Variants in EPS15 observed in about 807,000 individuals in gnomAD.
The protein encoded by EPS15 is epidermal growth factor receptor substrate 15.
EPS15 carries 72 observed loss-of-function variants against 113.8 expected under a neutral mutation model. The ratio of observed to expected loss-of-function variants is 0.63; its 90% CI spans 0.52 to 0.77. The LOEUF is 0.77. Among genes scored for constraint, EPS15 ranks in the 30% least tolerant of loss-of-function variants. EPS15 has a pLI of 0.00. For synonymous variants in EPS15, 344 were observed against 363.4 expected (o/e 0.95, Z 0.61); for missense variants, 1,048 against 1,045.8 (o/e 1.00, Z -0.03).
At chr1:51,400,733 A>AAG (rs1553120051) in intron 19 of EPS15, among the ~76,000 whole-genome samples, 185 bp downstream of exon 19, 17 of 147,760 alleles carry the variant, frequency 1.2e-4, no homozygotes, top group Admixed American at 1.3e-4. Context: ...AAAAAAAAAA[A>AAG]AAGAAGAAGT....
In EPS15 at chr1:51,408,289, A is replaced by C. The variant is rs1183084219; in HGVS notation, c.1319T>G (p.Ile440Ser). Residue 440 changes from isoleucine (I) to serine (S), a missense_variant, in exon 15 of 25, where the codon ATC (isoleucine) becomes AGC (serine). Transcript: ENST00000371733. ...TGCCAATTCTTCTTCGTAAGTGGAG[A>C]TCTGCGATTCCTGACTAGTTAATTC... Reference protein sequence around the residue: ...KAELTSQESQISTYEEELAKA... With the variant: ...KAELTSQESQSSTYEEELAKA... 1 of 1,613,672 alleles carries C rather than the reference A, an allele frequency of 6.2e-7. No individual in the cohort carries two copies. The highest frequency in any genetic ancestry group is 8.5e-7 in the Non-Finnish European group (1 of 1,179,700).
rs1027363037 is a variant in EPS15, at chr1:51,405,943, T to G, written c.1639A>C (p.Ser547Arg). 1 of 1,614,166 alleles carries G rather than the reference T, an allele frequency of 6.2e-7. No homozygotes were observed. The highest frequency in any genetic ancestry group is 1.7e-5 in the Admixed American group (1 of 60,010). Residue 547 changes from serine (S) to arginine (R), a missense_variant, in exon 16 of 25, where the codon AGC (serine) becomes CGC (arginine). By Grantham distance (110) the Ser-to-Arg change is moderately radical. Transcript: ENST00000371733. ...TGTATGGGCTCAGACTCTAGGTTGCTCTGGCCTTCAACATGTTCATTAAGG... is the reference window on the plus strand; with the variant it reads ...TGTATGGGCTCAGACTCTAGGTTGCGCTGGCCTTCAACATGTTCATTAAGG... ...ANLNEHVEGQSNLESEPIHQE... is the reference protein window; with the variant it reads ...ANLNEHVEGQRNLESEPIHQE...
intron 8 of EPS15, among the ~76,000 whole-genome samples, chr1:51,450,719 C>T (rs1653476101): frequency 6.6e-6 from 1 of 151,786 alleles, no homozygotes; most frequent in Admixed American, 6.5e-5. Flanking sequence ...TGCAATCCCA[C>T]ATCTGGGAAT....
chr1:51,457,873 A>C (rs895379095), intron 8 of EPS15: 3 of 152,200 alleles, frequency 2.0e-5, no homozygotes, highest in African/African-American at 7.2e-5. Context: ...GAGGCGGGGT[A>C]AGGGAATGAA....
At chr1:51,453,987 C>G (rs1653776902) in intron 8 of EPS15, among the ~76,000 whole-genome samples, 1 of 141,992 alleles carries the variant, frequency 7.0e-6, no homozygotes, top group African/African-American at 2.6e-5. Flanking sequence ...CAGGTGGAGG[C>G]TGCAGTGAGT....
chr1:51,399,414 T>C (rs531721816), intron 19 of EPS15, among the ~76,000 whole-genome samples: 6 of 151,970 alleles, frequency 3.9e-5, no homozygotes, highest in Non-Finnish European at 8.8e-5. Context: ...TAGCCAGGCA[T>C]GGTGGTGCGC....
chr1:51,425,201 C>A (rs774911871), intron 12 of EPS15, among the ~76,000 whole-genome samples: 1 of 152,150 alleles, frequency 6.6e-6, no homozygotes, highest in Non-Finnish European at 1.5e-5. Flanking sequence ...GAATTTGAAC[C>A]ATCAAGGAAA....
chr1:51,465,089 AAAC>A (rs1365106565), intron 6 of EPS15, among the ~76,000 whole-genome samples, 169 bp downstream of exon 6: 2 of 152,352 alleles, frequency 1.3e-5, no homozygotes, highest in East Asian at 3.9e-4. Context: ...TACTGTCACA[AAAC>A]AACTGACAGA....
intron 21 of EPS15, 37 bp from the exon 22 acceptor site, chr1:51,366,066 T>A: frequency 6.8e-7 from 1 of 1,472,488 alleles, no homozygotes; most frequent in Non-Finnish European, 9.4e-7. Flanking sequence ...AACAGGACAG[T>A]AAGACATTTT....
rs1174468030 is a variant in EPS15 at position 51,404,788 on chromosome 1, G to A, written c.1677+1117C>T. ...TGCACATGACAATCACCCATAGAGT[G>A]TGTTTTTAAAATATACATATCTGGC... On this transcript the variant is annotated intron_variant, in intron 16 of 24. Transcript: ENST00000371733. Among the ~76,000 whole-genome samples, 4 of 152,292 alleles carry A rather than the reference G, an allele frequency of 2.6e-5. No individual in the cohort carries two copies. The East Asian group carries it at 7.7e-4, about 29-fold the overall frequency.
intron 21 of EPS15, among the ~76,000 whole-genome samples, chr1:51,389,165 T>C (rs562126481): frequency 6.6e-6 from 1 of 152,308 alleles, no homozygotes; most frequent in African/African-American, 2.4e-5. Flanking sequence ...TGGTTCAATA[T>C]ATGCCAATCA....
intron 1 of EPS15, among the ~76,000 whole-genome samples, chr1:51,483,396 CAAGTGTGTGTGTGT>C (rs1314000648): frequency 8.6e-6 from 1 of 116,126 alleles, no homozygotes; most frequent in African/African-American, 3.1e-5. Flanking sequence ...CTCAAGACTG[CAAGTGTGTGTGTGT>C]GTGTGTGTGT....
At chr1:51,453,835 G>A (rs1447667085) in intron 8 of EPS15, among the ~76,000 whole-genome samples, 1 of 151,940 alleles carries the variant, frequency 6.6e-6, no homozygotes, top group Non-Finnish European at 1.5e-5. Context: ...TCACCTGGAG[G>A]GTTTTTAATT....
intron 21 of EPS15, among the ~76,000 whole-genome samples, chr1:51,386,843 T>C (rs1311123668): frequency 2.6e-5 from 4 of 152,240 alleles, no homozygotes; most frequent in Non-Finnish European, 2.9e-5. Context: ...CTACATCTGA[T>C]TGGTGTACCT....
At chr1:51,414,654 AC>A (rs1650044664) in intron 13 of EPS15, among the ~76,000 whole-genome samples, 2 of 152,056 alleles carry the variant, frequency 1.3e-5, no homozygotes, top group Non-Finnish European at 2.9e-5. Flanking sequence ...CCTCCCTCAT[AC>A]CCCAAAGAAA....
In EPS15 at chr1:51,406,992, G is replaced by T. The variant is rs570590525; in HGVS notation, c.1474-884C>A. On this transcript the variant is annotated intron_variant, in intron 15 of 24. Coordinates refer to ENST00000371733, the MANE Select transcript of EPS15 (RefSeq NM_001981.3). ...GGTACTCAGCTGCCAGATAACAGGG[G>T]GTAAGGAAGCGCAAAAGTGAAGGAC... Among the ~76,000 whole-genome samples, 8 of 152,176 alleles carry T rather than the reference G, an allele frequency of 5.3e-5. No homozygotes were observed. The South Asian group carries it at 1.7e-3, about 32-fold the overall frequency.
chr1:51,428,080 G>A (rs1651376346), intron 12 of EPS15, among the ~76,000 whole-genome samples: 1 of 151,792 alleles, frequency 6.6e-6, no homozygotes, highest in African/African-American at 2.4e-5. Flanking sequence ...GCAATGAAAT[G>A]ATATATTTAA....
chr1:51,428,598 G>A (rs549243080), intron 12 of EPS15, among the ~76,000 whole-genome samples: 25 of 151,906 alleles, frequency 1.6e-4, no homozygotes, highest in Non-Finnish European at 2.8e-4. Flanking sequence ...AAGCTGAGGC[G>A]GATGGATCAC....
At chr1:51,469,383 G>A (rs950255365) in intron 4 of EPS15, among the ~76,000 whole-genome samples, 12 of 152,024 alleles carry the variant, frequency 7.9e-5, no homozygotes, top group African/African-American at 2.7e-4. Context: ...ATTATGTAAC[G>A]GTTTAACTTC....
Sources: gnomAD v4.1 joint callset for allele counts (sites outside exome capture counted in the v4.1 genomes callset) on GRCh38, gnomAD v4.1.1 for gene constraint, MANE v1.5 for transcripts, NCBI Gene and HGNC (gene_info 2026-07-23, HGNC 2026-07-21) for gene names.